The following SLIT3 variants were observed in gnomAD, a reference collection of about 807,000 sequenced individuals.
SLIT3 encodes slit guidance ligand 3.
In SLIT3, 68 loss-of-function variants were observed where a neutral mutation model predicts 184.0. That is an observed-to-expected ratio of 0.37 (90% CI 0.30 to 0.45). The LOEUF (loss-of-function observed/expected upper bound fraction) is 0.45. SLIT3 is among the 20% of genes least tolerant of loss of function. SLIT3 has a pLI of 1.00. For synonymous variants in SLIT3, 831 were observed against 828.6 expected, an observed-to-expected ratio of 1.00 and a Z score of -0.05; for missense variants, 1,707 against 2,026.0, an observed-to-expected ratio of 0.84 and a Z score of 3.02.
Position 169,229,642 on chromosome 5 carries a change from TTCTC to T in SLIT3, c.341+15059_341+15062del, listed in dbSNP as rs60056409. Among the ~76,000 whole-genome samples, 111 of 148,318 alleles carry T rather than the reference TTCTC, an allele frequency of 7.5e-4. 1 individual carries two copies. The highest frequency in any genetic ancestry group is 1.7e-3 in the African/African-American group (69 of 40,442). On this transcript the variant is annotated intron_variant, in intron 3 of 35. Transcript: ENST00000519560. ...AAAGCGTACTTAGTCAAATAAATTC[TTCTC>T]TCTCTCTCTCTCTCTCTCTCTCTCC...
intron 4 of SLIT3, among the ~76,000 whole-genome samples, chr5:169,078,489 A>T (rs1455397029): frequency 1.3e-5 from 2 of 152,002 alleles, no homozygotes; most frequent in African/African-American, 2.4e-5. Context: ...GAAATCACAG[A>T]CCCGGTGGGG....
At chr5:168,711,488 T>C (rs1447215189) in intron 24 of SLIT3, among the ~76,000 whole-genome samples, 2 of 151,928 alleles carry the variant, frequency 1.3e-5, no homozygotes, top group Non-Finnish European at 2.9e-5. Context: ...TAGACTTTCA[T>C]CCCAGTTGTG....
chr5:169,205,354 C>T (rs1313690175), intron 3 of SLIT3, among the ~76,000 whole-genome samples: 3 of 152,174 alleles, frequency 2.0e-5, no homozygotes, highest in Admixed American at 6.5e-5. Context: ...TTCTATTCTC[C>T]TTATTCTGAG....
intron 4 of SLIT3, among the ~76,000 whole-genome samples, chr5:169,062,229 T>A (rs1309693295): frequency 6.6e-6 from 1 of 152,092 alleles, no homozygotes; most frequent in African/African-American, 2.4e-5. Context: ...ATTTATACCA[T>A]CCCAGAAAGA....
At chr5:168,792,725 C>T (rs11955755) in intron 10 of SLIT3, among the ~76,000 whole-genome samples, 1 of 152,140 alleles carries the variant, frequency 6.6e-6, no homozygotes, top group East Asian at 1.9e-4. Context: ...AGTCAGTTAA[C>T]CAAATTTGCA....
intron 3 of SLIT3, among the ~76,000 whole-genome samples, chr5:169,240,579 C>CTTTTTT (rs67955225): frequency 2.4e-3 from 275 of 113,658 alleles, no homozygotes; most frequent in East Asian, 5.2e-3. Context: ...CTATCATTTT[C>CTTTTTT]TTTTTTTTTT....
At chr5:169,001,173 GA>G (rs886237160) in intron 4 of SLIT3, among the ~76,000 whole-genome samples, 1 of 151,986 alleles carries the variant, frequency 6.6e-6, no homozygotes, top group Non-Finnish European at 1.5e-5. Context: ...AGGATGAAAT[GA>G]AAAAAAATTC....
At chr5:169,228,264 G>A (rs1037268092) in intron 3 of SLIT3, among the ~76,000 whole-genome samples, 1 of 152,104 alleles carries the variant, frequency 6.6e-6, no homozygotes, top group African/African-American at 2.4e-5. Context: ...GGAAACTGCT[G>A]GAAGAATATT....
chr5:168,890,137 TAAAA>T lies in SLIT3; in HGVS notation c.414-6805_414-6802del, dbSNP rs56267999. ...CCTGGGTGACAAGCGAGACTCCATC[TAAAA>T]AAAAAAAAAAAAAAAAAAGAGAGAG... On this transcript the variant is annotated intron_variant, in intron 4 of 35. Coordinates refer to ENST00000519560, the MANE Select transcript of SLIT3 (RefSeq NM_003062.4). Among the ~76,000 whole-genome samples, 15 of 98,662 alleles carry T rather than the reference TAAAA, an allele frequency of 1.5e-4. No individual in the cohort carries two copies. The South Asian group carries it at 5.1e-3, about 34-fold the overall frequency. 64.7% of individuals were successfully genotyped at this position (98,662 alleles called of 152,430 possible).
intron 16 of SLIT3, among the ~76,000 whole-genome samples, chr5:168,757,605 T>C (rs1161343427): frequency 6.6e-6 from 1 of 152,154 alleles, no homozygotes; most frequent in Non-Finnish European, 1.5e-5. Flanking sequence ...GGCTAATTTT[T>C]TTTGTATTTT....
At chr5:169,199,247 C>A (rs1232998705) in intron 3 of SLIT3, among the ~76,000 whole-genome samples, 1 of 146,322 alleles carries the variant, frequency 6.8e-6, no homozygotes, top group Non-Finnish European at 1.5e-5. Flanking sequence ...TTGGTCTCTG[C>A]GTGAAGACCT....
chr5:169,122,526 T>C (rs1486282408), intron 4 of SLIT3, among the ~76,000 whole-genome samples: 4 of 152,200 alleles, frequency 2.6e-5, no homozygotes, highest in Non-Finnish European at 5.9e-5. Context: ...CAGGTGTTTC[T>C]GGCTTACAGG....
At chr5:168,962,373 G>A (rs867626644) in intron 4 of SLIT3, among the ~76,000 whole-genome samples, 3 of 151,314 alleles carry the variant, frequency 2.0e-5, no homozygotes, top group African/African-American at 7.3e-5. Context: ...ATATCTGTCA[G>A]AGACTTTTTC....
intron 3 of SLIT3, among the ~76,000 whole-genome samples, chr5:169,231,123 T>A (rs1329139657): frequency 6.6e-6 from 1 of 152,226 alleles, no homozygotes; most frequent in African/African-American, 2.4e-5. Flanking sequence ...CAATGTCCCA[T>A]ATCTGTATGG....
At chr5:169,208,066 G>A (rs1233509015) in intron 3 of SLIT3, among the ~76,000 whole-genome samples, 1 of 151,966 alleles carries the variant, frequency 6.6e-6, no homozygotes, top group Non-Finnish European at 1.5e-5. Flanking sequence ...GCTTACCTGG[G>A]GGCAAACAGG....
intron 6 of SLIT3, among the ~76,000 whole-genome samples, chr5:168,830,548 G>C (rs897644104): frequency 6.6e-6 from 1 of 152,210 alleles, no homozygotes; most frequent in Non-Finnish European, 1.5e-5. Flanking sequence ...AAATCTTCCA[G>C]TAAAGGTATC....
chr5:169,262,261 A>T lies in SLIT3; in HGVS notation c.198-10802T>A, dbSNP rs79645274. Among the ~76,000 whole-genome samples the T allele has an allele frequency of 1.4e-4, 21 of 152,350 alleles. No homozygotes were observed. The East Asian group carries it at 3.5e-3, about 25-fold the overall frequency. ...ATAAACAAGGAGACTACAGACTGCA[A>T]TATGGGCATAGCTAGGAAACAGTAC... On this transcript the variant is annotated intron_variant, in intron 1 of 35. Transcript: ENST00000519560.
chr5:169,290,979 T>C (rs1449383887), intron 1 of SLIT3, among the ~76,000 whole-genome samples: 1 of 151,948 alleles, frequency 6.6e-6, no homozygotes, highest in African/African-American at 2.4e-5. Context: ...ACAAGGTGGG[T>C]GGTTAAGTGT....
chr5:169,009,182 T>A (rs1443557537), intron 4 of SLIT3, among the ~76,000 whole-genome samples: 2 of 152,166 alleles, frequency 1.3e-5, no homozygotes, highest in Non-Finnish European at 2.9e-5. Context: ...TGAAAGCTAT[T>A]AAACTAGAAG....
Sources: allele counts gnomAD v4.1 joint callset (sites outside exome capture counted in the v4.1 genomes callset), GRCh38; gene constraint gnomAD v4.1.1; transcripts MANE v1.5; gene names NCBI Gene and HGNC (gene_info 2026-07-23, HGNC 2026-07-21).